The following CES5A variants were observed in gnomAD, a reference collection of about 807,000 sequenced individuals.
CES5A encodes the protein carboxylesterase 5A.
In CES5A, 67 loss-of-function variants were observed where a neutral mutation model predicts 62.9. The ratio of observed to expected loss-of-function variants is 1.07; its 90% CI spans 0.88 to 1.31. The LOEUF is 1.31. CES5A is among the 50% of genes most tolerant of loss of function. The pLI is 0.00. For missense variants in CES5A, 748 were observed against 708.5 expected, an observed-to-expected ratio of 1.06 and a Z score of -0.63; for synonymous variants, 296 against 280.8, an observed-to-expected ratio of 1.05 and a Z score of -0.54.
At chr16:55,879,765 T>A (rs182320043), upstream of CES5A, among the ~76,000 whole-genome samples, 222 of 152,206 alleles carry the variant, frequency 1.5e-3, 2 homozygotes, top group African/African-American at 4.7e-3. Flanking sequence ...TAATTTTTTT[T>A]AAATTTTTGT....
chr16:55,913,852 G>A (rs2034119465), intron 1 of CES5A, among the ~76,000 whole-genome samples: 1 of 152,122 alleles, frequency 6.6e-6, no homozygotes, highest in South Asian at 2.1e-4. Flanking sequence ...GCCATATGGT[G>A]CCAGGCCTTG....
At chr16:55,934,991 A>G (rs1190801977) in intron 2 of CES5A, among the ~76,000 whole-genome samples, 1 of 152,124 alleles carries the variant, frequency 6.6e-6, no homozygotes, top group African/African-American at 2.4e-5. Context: ...CACTCAGGCT[A>G]GAGTACAGTG....
chr16:55,886,678 A>C (rs1283501765), intron 1 of CES5A, among the ~76,000 whole-genome samples: 2 of 152,148 alleles, frequency 1.3e-5, no homozygotes, highest in Middle Eastern at 3.2e-3. Flanking sequence ...TTTGGTAACA[A>C]GTTGGTTATG....
chr16:55,891,901 A>C (rs2142433499), intron 1 of CES5A, among the ~76,000 whole-genome samples: 1 of 152,210 alleles, frequency 6.6e-6, no homozygotes, highest in Admixed American at 6.5e-5. Context: ...TTACCCCAAA[A>C]CATGTTTCTT....
intron 2 of CES5A, among the ~76,000 whole-genome samples, chr16:55,937,268 C>T (rs773195132): frequency 2.2e-4 from 33 of 152,296 alleles, no homozygotes; most frequent in South Asian, 8.3e-4. Context: ...GGCCCAACCC[C>T]AATCACCTTG....
At chr16:55,881,723 G>T (rs1460093894) in intron 1 of CES5A, among the ~76,000 whole-genome samples, 1 of 152,188 alleles carries the variant, frequency 6.6e-6, no homozygotes, top group Non-Finnish European at 1.5e-5. Flanking sequence ...GAGAGTGACA[G>T]AGGATCCCTT....
intron 5 of CES5A, among the ~76,000 whole-genome samples, chr16:55,865,629 TC>T: frequency 6.6e-6 from 1 of 152,358 alleles, no homozygotes; most frequent in African/African-American, 2.4e-5. Context: ...TTTTGGCATT[TC>T]ATGTCTTAGC....
chr16:55,931,730 G>C (rs1314498838), intron 2 of CES5A, among the ~76,000 whole-genome samples: 1 of 152,116 alleles, frequency 6.6e-6, no homozygotes, highest in Non-Finnish European at 1.5e-5. Flanking sequence ...CCCCAAATTA[G>C]GTTAGATTGG....
chr16:55,924,984 A>C (rs1302776547), intron 1 of CES5A, among the ~76,000 whole-genome samples: 3 of 152,116 alleles, frequency 2.0e-5, no homozygotes, highest in African/African-American at 7.2e-5. Flanking sequence ...AAGACCTCAA[A>C]AGCACAGGCA....
At chr16:55,932,637 C>A (rs1203387719) in intron 2 of CES5A, among the ~76,000 whole-genome samples, 2 of 151,978 alleles carry the variant, frequency 1.3e-5, no homozygotes, top group African/African-American at 4.8e-5. Flanking sequence ...AACCTGAGAC[C>A]TGAAGGATAG....
chr16:55,856,538 A>T (rs1401999178), intron 8 of CES5A, 93 bp from the exon 9 acceptor site: 1 of 1,165,508 alleles, frequency 8.6e-7, no homozygotes, highest in Non-Finnish European at 1.3e-6. Context: ...TTCACAGGGG[A>T]AGTTGGATAA....
intron 5 of CES5A, 46 bp downstream of exon 5, chr16:55,865,917 A>G: frequency 6.2e-7 from 1 of 1,610,240 alleles, no homozygotes; most frequent in Non-Finnish European, 8.5e-7. Flanking sequence ...CATTTTTGGA[A>G]CCTCCGGCAC....
At chr16:55,868,748 G>A (rs757848475) in intron 4 of CES5A, among the ~76,000 whole-genome samples, 4 of 152,120 alleles carry the variant, frequency 2.6e-5, no homozygotes, top group Non-Finnish European at 5.9e-5. Context: ...TGTTTACATT[G>A]GACCCTCATC....
chr16:55,944,067 C>T (rs1216660057), intron 2 of CES5A: 1 of 702,124 alleles, frequency 1.4e-6, no homozygotes, highest in Admixed American at 2.0e-5. Context: ...GAGAAGTGAC[C>T]AAGACCTCCA....
intron 2 of CES5A, among the ~76,000 whole-genome samples, chr16:55,941,878 A>C (rs530405875): frequency 6.6e-6 from 1 of 152,168 alleles, no homozygotes; most frequent in Admixed American, 6.5e-5. Flanking sequence ...AGAACAGTAC[A>C]TCCTTCCAAA....
Position 55,859,534 on chromosome 16 carries a change from C to A in CES5A, c.1056+13G>T. On this transcript the variant is annotated intron_variant, in intron 8 of 12. Transcript: ENST00000290567. The stretch of plus-strand genomic sequence containing the variant: ...TTTGAGGGAGTGGCAGTATGGACAG[C>A]CAGAATTCTTACCATAGGCAGCAGG... The A allele has an allele frequency of 6.2e-7, 1 of 1,609,152 alleles. No homozygotes were observed. The highest frequency in any genetic ancestry group is 8.5e-7 in the Non-Finnish European group (1 of 1,178,818).
chr16:55,874,031 G>A lies in CES5A; in HGVS notation c.80C>T (p.Ser27Phe). The A allele has an allele frequency of 6.2e-7, 1 of 1,603,206 alleles. No individual in the cohort carries two copies. Among genetic ancestry groups the A allele is most frequent in the East Asian group, 2.2e-5 (1 of 44,578 alleles). ...GGTGTTCCTCTGTGGCCCTTCAGCA[G>A]AAGGCCCTGCGGGAACACATGGGAG... ...WVLAAPTKGPSAEGPQRNTRL... is the reference protein window; with the variant it reads ...WVLAAPTKGPFAEGPQRNTRL... Residue 27 changes from serine (S) to phenylalanine (F), a missense_variant, in exon 2 of 13, where the codon TCT becomes TTT. Ser to Phe is a radical substitution (Grantham distance 155). Transcript: ENST00000290567.
At position 55,869,683 on chromosome 16, in the gene CES5A, G is replaced by T. The variant is rs757935443; in HGVS notation, c.479C>A (p.Ser160Tyr). ...KTGSASIFDG[S>Y]ALAAYEDVLV... ...CACGTCCTCATAGGCAGCCAGGGCG[G>T]ACCCATCAAAGATGGAGGCTGAGCC... Residue 160 changes from serine to tyrosine, a missense_variant, in exon 4 of 13, where the codon TCC becomes TAC. By Grantham distance (144) the Ser-to-Tyr change is moderately radical. Transcript: ENST00000290567. 6.2e-7 allele frequency: 1 copy of T among 1,612,402 alleles called. No homozygotes were observed. Among genetic ancestry groups the T allele is most frequent in the Non-Finnish European group, 8.5e-7 (1 of 1,179,162 alleles).
chr16:55,856,481 G>C, intron 8 of CES5A, 36 bp from the exon 9 acceptor site: 1 of 1,602,456 alleles, frequency 6.2e-7, no homozygotes, highest in Non-Finnish European at 8.6e-7. Context: ...AAGCCATCTG[G>C]TCATGAGAAG....
Sources: allele counts gnomAD v4.1 joint callset (sites outside exome capture counted in the v4.1 genomes callset), GRCh38; gene constraint gnomAD v4.1.1; transcripts MANE v1.5; gene names NCBI Gene and HGNC (gene_info 2026-07-23, HGNC 2026-07-21).